Variants in SGIP1 observed in about 807,000 individuals in gnomAD.
SGIP1 encodes the protein SH3-containing GRB2-like protein 3-interacting protein 1.
SGIP1 carries 38 observed loss-of-function variants against 107.5 expected under a neutral mutation model. That is an observed-to-expected ratio of 0.35 (90% CI 0.27 to 0.46). The LOEUF is 0.46. Among genes scored for constraint, SGIP1 ranks in the 20% least tolerant of loss-of-function variants. The probability of loss-of-function intolerance (pLI) is 1.00; values close to 1 mark genes in which losing one functional copy is unlikely to be tolerated. For missense variants in SGIP1, 929 were observed against 1,019.5 expected (o/e 0.91, Z 1.21); for synonymous variants, 365 against 366.1 (o/e 1.00, Z 0.03).
intron 19 of SGIP1, among the ~76,000 whole-genome samples, chr1:66,721,118 T>A (rs886074209): frequency 6.6e-6 from 1 of 152,206 alleles, no homozygotes; most frequent in Non-Finnish European, 1.5e-5. Flanking sequence ...CTTTTCTCTT[T>A]CATCTTCAAA....
intron 9 of SGIP1, among the ~76,000 whole-genome samples, chr1:66,668,780 A>G (rs1242556230): frequency 6.6e-6 from 1 of 152,252 alleles, no homozygotes; most frequent in Non-Finnish European, 1.5e-5. Flanking sequence ...GTTAAGTGAC[A>G]TCACAGATTA....
chr1:66,630,117 C>T (rs541229246), intron 2 of SGIP1, among the ~76,000 whole-genome samples: 11 of 152,276 alleles, frequency 7.2e-5, no homozygotes, highest in Admixed American at 7.2e-4. Context: ...AGCCACATTT[C>T]CATCAGTCGA....
At position 66,740,680 on chromosome 1, in the gene SGIP1, T is replaced by C; in HGVS notation, c.2257T>C (p.Leu753=). 6.2e-7 allele frequency: 1 copy of C among 1,608,594 alleles called. No individual in the cohort carries two copies. Among genetic ancestry groups the C allele is most frequent in the Non-Finnish European group, 8.5e-7 (1 of 1,176,278 alleles). The change falls in exon 23 of 25, where the codon TTG becomes CTG. Residue 753 remains leucine, a synonymous_variant. Coordinates refer to ENST00000371037, the MANE Select transcript of SGIP1 (RefSeq NM_032291.4). ...TAGGAATGCTGAACAACAGAGAATA[T>C]TGTGGAAGATTCCTGATATCTCTCA... is the stretch of plus-strand genomic sequence containing the variant. The part of the protein sequence containing the change: ...AVWNAEQQRI[L]WKIPDISQKS...
chr1:66,716,481 A>G (rs1407836613), intron 18 of SGIP1, among the ~76,000 whole-genome samples: 1 of 151,972 alleles, frequency 6.6e-6, no homozygotes, highest in Non-Finnish European at 1.5e-5. Context: ...CCTCACCTAC[A>G]TTATTGTCTC....
intron 1 of SGIP1, among the ~76,000 whole-genome samples, chr1:66,572,342 T>C (rs1257978401): frequency 6.6e-6 from 1 of 152,074 alleles, no homozygotes; most frequent in African/African-American, 2.4e-5. Flanking sequence ...ACTCTGTCAT[T>C]AAGATTTAAT....
chr1:66,676,303 C>A (rs1161874379), intron 12 of SGIP1, among the ~76,000 whole-genome samples: 1 of 152,120 alleles, frequency 6.6e-6, no homozygotes, highest in Non-Finnish European at 1.5e-5. Context: ...ATAGTCCCTG[C>A]CACAGGATAG....
chr1:66,663,227 C>T (rs2081898505), intron 8 of SGIP1, among the ~76,000 whole-genome samples: 1 of 152,084 alleles, frequency 6.6e-6, no homozygotes, highest in South Asian at 2.1e-4. Context: ...TCCCCATCCC[C>T]CACCCACTTT....
At chr1:66,589,208 A>ATGTGTGTGTGTGTGTGTGTG (rs1453675527) in intron 1 of SGIP1, among the ~76,000 whole-genome samples, 32 of 87,582 alleles carry the variant, frequency 3.7e-4, no homozygotes, top group Middle Eastern at 5.7e-3. Context: ...ATATATATAT[A>ATGTGTGTGTGTGTGTGTGTG]TATATATATG....
chr1:66,540,894 A>G (rs1019970049), intron 1 of SGIP1, among the ~76,000 whole-genome samples: 2 of 152,134 alleles, frequency 1.3e-5, no homozygotes, highest in Admixed American at 6.5e-5. Context: ...TACCTCTAGA[A>G]CTTCCAGCTC....
At chr1:66,737,142 T>G (rs2094291662) in intron 21 of SGIP1, among the ~76,000 whole-genome samples, 1 of 152,178 alleles carries the variant, frequency 6.6e-6, no homozygotes, top group Non-Finnish European at 1.5e-5. Flanking sequence ...ATTTTTTCTC[T>G]GAATGAGAAG....
intron 5 of SGIP1, among the ~76,000 whole-genome samples, chr1:66,640,079 TTGTTAA>T (rs1287275780): frequency 6.6e-6 from 1 of 152,164 alleles, no homozygotes; most frequent in African/African-American, 2.4e-5. Flanking sequence ...TGATCAGCTA[TTGTTAA>T]TGTTAATGTA....
intron 1 of SGIP1, among the ~76,000 whole-genome samples, chr1:66,605,286 A>G (rs1344798882): frequency 6.6e-6 from 1 of 152,170 alleles, no homozygotes; most frequent in Non-Finnish European, 1.5e-5. Flanking sequence ...TCCTCTGAGT[A>G]GACATTAAAG....
At chr1:66,557,035 A>C (rs559801737) in intron 1 of SGIP1, among the ~76,000 whole-genome samples, 1 of 152,224 alleles carries the variant, frequency 6.6e-6, no homozygotes, top group Non-Finnish European at 1.5e-5. Context: ...GATCACAACA[A>C]GGAGTAATTT....
intron 1 of SGIP1, among the ~76,000 whole-genome samples, chr1:66,597,698 C>A (rs2064993552): frequency 3.3e-5 from 5 of 152,118 alleles, no homozygotes; most frequent in Admixed American, 2.6e-4. Flanking sequence ...CAAGATGGAA[C>A]CCCCGAGTCA....
intron 8 of SGIP1, among the ~76,000 whole-genome samples, chr1:66,665,216 TC>T (rs1045876407): frequency 1.3e-5 from 2 of 152,140 alleles, no homozygotes; most frequent in African/African-American, 4.8e-5. Flanking sequence ...AGTGAGAACA[TC>T]TGGTGTTTGG....
At chr1:66,613,536 G>A (rs2068506821) in intron 1 of SGIP1, among the ~76,000 whole-genome samples, 2 of 152,036 alleles carry the variant, frequency 1.3e-5, no homozygotes, top group Admixed American at 6.6e-5. Flanking sequence ...TGCCATGTTG[G>A]CCAGGCTGGT....
At chr1:66,549,105 C>G (rs1273062590) in intron 1 of SGIP1, among the ~76,000 whole-genome samples, 1 of 152,122 alleles carries the variant, frequency 6.6e-6, no homozygotes, top group African/African-American at 2.4e-5. Context: ...CCCCCCTGGG[C>G]AAGCCTGAGC....
At chr1:66,628,399 C>G (rs1232956389) in intron 2 of SGIP1, 1 of 154,562 alleles carries the variant, frequency 6.5e-6, no homozygotes, top group African/African-American at 2.4e-5. Flanking sequence ...CACCTGTAAA[C>G]AACAACAACA....
chr1:66,697,651 G>A (rs868860789), intron 18 of SGIP1, among the ~76,000 whole-genome samples: 1 of 152,130 alleles, frequency 6.6e-6, no homozygotes, highest in African/African-American at 2.4e-5. Context: ...GAGCAAAAAC[G>A]GCTATATTTT....
Sources: allele counts gnomAD v4.1 joint callset (sites outside exome capture counted in the v4.1 genomes callset), GRCh38; gene constraint gnomAD v4.1.1; transcripts MANE v1.5; gene names NCBI Gene and HGNC (gene_info 2026-07-23, HGNC 2026-07-21).